SPTBN5: variants seen among roughly 807,000 people sequenced by gnomAD.
SPTBN5 encodes the protein spectrin beta, non-erythrocytic 5.
In SPTBN5, 513 loss-of-function variants were observed where a neutral mutation model predicts 477.6. The ratio of observed to expected loss-of-function variants is 1.07; its 90% CI spans 1.00 to 1.16. The LOEUF is 1.16. Among genes scored for constraint, SPTBN5 ranks in the 50% most tolerant of loss-of-function variants. The pLI, the probability that SPTBN5 is intolerant of heterozygous loss-of-function variation, is 0.00. For synonymous variants in SPTBN5, 2,169 were observed against 2,011.7 expected (o/e 1.08, Z -2.09); for missense variants, 5,062 against 4,731.8 (o/e 1.07, Z -2.05).
At chr15:41,893,229 A>G (rs2067368499) in intron 2 of SPTBN5, 53 bp downstream of exon 2, 1 of 1,610,366 alleles carries the variant, frequency 6.2e-7, no homozygotes, top group Non-Finnish European at 8.5e-7. Context: ...CCCACTGGCC[A>G]GAGCTGGGGG....
intron 53 of SPTBN5, 72 bp downstream of exon 53, chr15:41,856,314 G>C (rs1364853909): frequency 8.8e-6 from 12 of 1,371,156 alleles, no homozygotes; most frequent in Non-Finnish European, 1.2e-5. Flanking sequence ...AGGAGCCCCG[G>C]AGTGACCTCC....
Position 41,893,350 on chromosome 15 carries a change from C to T in SPTBN5, c.148G>A (p.Ala50Thr), listed in dbSNP as rs1403333678. The change falls in exon 2 of 68, where the codon GCC (alanine) becomes ACC (threonine). Residue 50 changes from alanine (A) to threonine (T), a missense_variant. Coordinates refer to ENST00000320955, the MANE Select transcript of SPTBN5 (RefSeq NM_016642.4). ...TTCTCCTGCATCTGCATGTGCCGGG[C>T]CTGTAGCTTGCGAATGTGGCCCGTC... is the stretch of plus-strand genomic sequence containing the variant. ...YETGHIRKLQARHMQMQEKTF... is the reference protein window; with the variant it reads ...YETGHIRKLQTRHMQMQEKTF... The T allele has an allele frequency of 3.7e-6, 6 of 1,613,990 alleles. No individual in the cohort carries two copies. Among genetic ancestry groups the T allele is most frequent in the Non-Finnish European group, 5.1e-6 (6 of 1,179,890 alleles).
intron 32 of SPTBN5, among the ~76,000 whole-genome samples, chr15:41,869,112 G>GTTGTT (rs1280663515): frequency 6.6e-5 from 10 of 152,232 alleles, no homozygotes; most frequent in African/African-American, 1.9e-4. Context: ...TGGTGCTGGA[G>GTTGTT]GGACTTCAGG....
intron 52 of SPTBN5, 117 bp from the exon 53 acceptor site, chr15:41,856,715 A>C: frequency 2.2e-6 from 3 of 1,341,730 alleles, no homozygotes; most frequent in Non-Finnish European, 3.0e-6. Context: ...CCCTGTCCCC[A>C]TGACTCCCAA....
Position 41,876,564 on chromosome 15 carries a change from G to A in SPTBN5, c.3935C>T (p.Ala1312Val), listed in dbSNP as rs552599981. Residue 1312 changes from alanine (A) to valine (V), a missense_variant, in exon 20 of 68, where the codon GCT becomes GTT. Ala to Val is a moderately conservative substitution (Grantham distance 64). Coordinates refer to ENST00000320955, the MANE Select transcript of SPTBN5 (RefSeq NM_016642.4). The stretch of plus-strand genomic sequence containing the variant: ...GACCCTCACCTGGAGCTGGAGGGAA[G>A]CCAGCAACTGCCTCCTCCTCTGCTC... Reference protein sequence around the residue: ...RSEQRRRQLLASLQLQEWKQD... With the variant: ...RSEQRRRQLLVSLQLQEWKQD... 6.9e-6 allele frequency: 11 copies of A among 1,597,394 alleles called. No homozygotes were observed. In the East Asian group the frequency reaches 1.6e-4, roughly 23 times the overall value.
chr15:41,848,509 A>G lies in SPTBN5; in HGVS notation c.*107T>C. The G allele has an allele frequency of 7.3e-7, 1 of 1,361,336 alleles. No individual in the cohort carries two copies. Among genetic ancestry groups the G allele is most frequent in the East Asian group, 2.3e-5 (1 of 43,682 alleles). The allele number at this position is 1,361,336 out of a possible 1,614,324, so 84.3% of individuals were successfully genotyped here. On this transcript the variant is annotated 3_prime_UTR_variant, in exon 68 of 68. Coordinates refer to ENST00000320955, the MANE Select transcript of SPTBN5 (RefSeq NM_016642.4). Reference sequence around the variant, plus strand: ...AGCTGGGCCTGGGGAACTGGGTTGAAGCAGCCACGGGAAGGAGCCCTTTTG... The same window carrying G: ...AGCTGGGCCTGGGGAACTGGGTTGAGGCAGCCACGGGAAGGAGCCCTTTTG...
chr15:41,849,529 T>G (rs977169559), intron 67 of SPTBN5, among the ~76,000 whole-genome samples: 6 of 152,086 alleles, frequency 3.9e-5, no homozygotes, highest in East Asian at 1.9e-4. Context: ...CCAGGCAGGC[T>G]CTCAGCACTG....
In SPTBN5 at chr15:41,850,843, C is replaced by T. The variant is rs766428306; in HGVS notation, c.10921+11G>A. On this transcript the variant is annotated intron_variant, in intron 66 of 67. Coordinates refer to ENST00000320955, the MANE Select transcript of SPTBN5 (RefSeq NM_016642.4). ...CGGCCGCCCTCCCCGCATCCTTCCC[C>T]TGAAGCCCACCTGCAGTGCTGCCCA... is the stretch of plus-strand genomic sequence containing the variant. The T allele has an allele frequency of 3.2e-6, 5 of 1,586,540 alleles. No homozygotes were observed. The South Asian group carries it at 5.8e-5, about 18-fold the overall frequency.
Position 41,872,010 on chromosome 15 carries a change from G to A in SPTBN5, c.5166-93C>T, listed in dbSNP as rs1233031478. The A allele has an allele frequency of 3.6e-6, 5 of 1,407,322 alleles. No homozygotes were observed. The East Asian group carries it at 1.0e-4, about 29-fold the overall frequency. The allele number at this position is 1,407,322 out of a possible 1,614,324, so 87.2% of individuals were successfully genotyped here. On this transcript the variant is annotated intron_variant, in intron 27 of 67. Coordinates refer to ENST00000320955, the MANE Select transcript of SPTBN5 (RefSeq NM_016642.4). ...CAGAGGGGCCAATCTGAAAACTGGG[G>A]TTACTCATGGTCTCTGTCCAAGCCT...
At position 41,875,423 on chromosome 15, in the gene SPTBN5, C is replaced by T. The variant is rs770822148; in HGVS notation, c.4287+35G>A. 4 of 1,599,714 alleles carry T rather than the reference C, an allele frequency of 2.5e-6. No homozygotes were observed. The Admixed American group carries it at 6.8e-5, about 27-fold the overall frequency. The stretch of plus-strand genomic sequence containing the variant: ...CTGTCCAGCCCAGCCAGGCCTCCGT[C>T]TCCCTCTTGTGCCCTGTCCCTCTTC... On this transcript the variant is annotated intron_variant, in intron 22 of 67. Transcript: ENST00000320955.
chr15:41,861,803 C>A lies in SPTBN5; in HGVS notation c.7669G>T (p.Glu2557Ter). 6.3e-7 allele frequency: 1 copy of A among 1,576,206 alleles called. No individual in the cohort carries two copies. The highest frequency in any genetic ancestry group is 8.6e-7 in the Non-Finnish European group (1 of 1,165,060). ...IRQVLAGLEQ[E>*]LSSLEGAWQE... is the part of the protein sequence containing the mutation. ...CAGGCCCCTTCCAGGCTGCTCAGCT[C>A]CTGTTCTAAGCCAGCCAGCACCTGG... Residue 2557 changes from glutamate to a stop codon, truncating the protein, a stop_gained, in exon 45 of 68, where the codon GAG (glutamate) becomes TAG (stop). Coordinates refer to ENST00000320955, the MANE Select transcript of SPTBN5 (RefSeq NM_016642.4). LOFTEE classifies it high-confidence loss of function.
Position 41,851,377 on chromosome 15 carries a change from G to A in SPTBN5, c.10657-8C>T, listed in dbSNP as rs758603013. 8 of 1,549,894 alleles carry A rather than the reference G, an allele frequency of 5.2e-6. No individual in the cohort carries two copies. The highest frequency in any genetic ancestry group is 7.0e-6 in the Non-Finnish European group (8 of 1,146,240). Reference sequence around the variant, plus strand: ...CCAGGAGCTCGAGCTAGGCTGTGGAGAGGAGGCGGGAAGGTCGCATGAGCC... The same window carrying A: ...CCAGGAGCTCGAGCTAGGCTGTGGAAAGGAGGCGGGAAGGTCGCATGAGCC... On this transcript the variant is annotated splice_polypyrimidine_tract_variant and splice_region_variant and intron_variant, in intron 63 of 67. Transcript: ENST00000320955.
At chr15:41,856,773 T>C in intron 52 of SPTBN5, 80 bp downstream of exon 52, 1 of 1,431,998 alleles carries the variant, frequency 7.0e-7, no homozygotes, top group Admixed American at 2.3e-5. Flanking sequence ...AGTTCCTGGC[T>C]GGGCCACAGA....
chr15:41,876,723 C>A, intron 19 of SPTBN5, 76 bp from the exon 20 acceptor site: 1 of 1,602,442 alleles, frequency 6.2e-7, no homozygotes, highest in African/African-American at 1.3e-5. Context: ...TCTCCCCCAC[C>A]CCCTACTCTC....
At chr15:41,848,735 A>G in intron 67 of SPTBN5, 107 bp from the exon 68 acceptor site, 5 of 1,327,096 alleles carry the variant, frequency 3.8e-6, no homozygotes, top group Non-Finnish European at 3.3e-6. Flanking sequence ...CCAGCCTCCT[A>G]GAATAAGCGT....
chr15:41,850,113 T>G, intron 66 of SPTBN5, 154 bp from the exon 67 acceptor site: 2 of 654,490 alleles, frequency 3.1e-6, no homozygotes, highest in Admixed American at 5.0e-5. Context: ...TGGGGCGGGC[T>G]GAGCACTTGT....
intron 3 of SPTBN5, 79 bp from the exon 4 acceptor site, chr15:41,890,284 G>C: frequency 1.0e-6 from 1 of 953,682 alleles, no homozygotes; most frequent in South Asian, 1.4e-5. Flanking sequence ...TAGGGGGCCA[G>C]CTGCGGGATG....
intron 27 of SPTBN5, among the ~76,000 whole-genome samples, 180 bp from the exon 28 acceptor site, chr15:41,872,097 T>C (rs546612221): frequency 8.5e-5 from 13 of 152,258 alleles, no homozygotes; most frequent in Admixed American, 2.6e-4. Flanking sequence ...GAGGAGGGTG[T>C]GGACGTGGGG....
In SPTBN5 at chr15:41,861,604, G is replaced by A. The variant is rs181362241; in HGVS notation, c.7738-108C>T. ...TAGGGAACCAGGGTCCTGGAAGGCA[G>A]GAGTGCTGAGTGGTGGGGAAGTCCC... On this transcript the variant is annotated intron_variant, in intron 45 of 67. Coordinates refer to ENST00000320955, the MANE Select transcript of SPTBN5 (RefSeq NM_016642.4). The A allele has an allele frequency of 1.7e-4, 263 of 1,516,476 alleles. No individual in the cohort carries two copies. In the African/African-American group the frequency reaches 3.2e-3, roughly 18 times the overall value. The allele number at this position is 1,516,476 out of a possible 1,614,324, so 93.9% of individuals were successfully genotyped here. A position where few individuals can be genotyped will look rare whatever the true frequency, so the allele number is the denominator to read the frequency against.
Sources: gnomAD v4.1 joint callset for allele counts (sites outside exome capture counted in the v4.1 genomes callset) on GRCh38, gnomAD v4.1.1 for gene constraint, MANE v1.5 for transcripts, NCBI Gene and HGNC (gene_info 2026-07-23, HGNC 2026-07-21) for gene names.